Variants in ZNF215 observed in about 807,000 individuals in gnomAD.
ZNF215 encodes BWSCR2-associated zinc finger protein 2.
In ZNF215, 24 loss-of-function variants were observed where a neutral mutation model predicts 27.2. The ratio of observed to expected loss-of-function variants is 0.88; its 90% CI spans 0.64 to 1.24. The LOEUF (loss-of-function observed/expected upper bound fraction) is 1.24. Among genes scored for constraint, ZNF215 ranks in the 50% most tolerant of loss-of-function variants. The pLI is 0.00. For missense variants in ZNF215, 675 were observed against 605.7 expected, an observed-to-expected ratio of 1.11 and a Z score of -1.20; for synonymous variants, 210 against 204.0, an observed-to-expected ratio of 1.03 and a Z score of -0.25.
intron 5 of ZNF215, among the ~76,000 whole-genome samples, chr11:6,974,422 T>C (rs1365222227): frequency 3.3e-5 from 5 of 152,236 alleles, no homozygotes; most frequent in Non-Finnish European, 7.3e-5. Context: ...TTTTTTCCAA[T>C]TCTGGGAAGA....
chr11:6,993,991 C>T (rs1477763621), intron 6 of ZNF215, among the ~76,000 whole-genome samples: 1 of 151,978 alleles, frequency 6.6e-6, no homozygotes, highest in African/African-American at 2.4e-5. Context: ...CATTTTTGTG[C>T]TTTTTGTTGA....
At chr11:6,973,577 A>C (rs987256278) in intron 5 of ZNF215, among the ~76,000 whole-genome samples, 32 of 152,162 alleles carry the variant, frequency 2.1e-4, no homozygotes, top group African/African-American at 7.2e-4. Context: ...TGACTTTTTA[A>C]TGATCGCCAT....
intron 3 of ZNF215, among the ~76,000 whole-genome samples, chr11:6,932,945 CA>C (rs1204268951): frequency 1.3e-5 from 2 of 152,130 alleles, no homozygotes; most frequent in Non-Finnish European, 2.9e-5. Flanking sequence ...GCACACAGGC[CA>C]AATATTTTTT....
downstream of ZNF215, among the ~76,000 whole-genome samples, chr11:6,989,121 A>C (rs1290503980): frequency 7.6e-6 from 1 of 131,204 alleles, no homozygotes; most frequent in Non-Finnish European, 1.5e-5. Context: ...GTGCCAATGC[A>C]CTCCAGCCTG....
At position 6,949,448 on chromosome 11, in the gene ZNF215, G is replaced by T. The variant is rs547484152; in HGVS notation, c.712+5807G>T. On this transcript the variant is annotated intron_variant, in intron 6 of 6. Transcript: ENST00000278319. ...TTTTTAATGATCGCCATTCTAACTGGTGTGAGATGGTATCTCATTGTGGTT... is the reference window on the plus strand; with the variant it reads ...TTTTTAATGATCGCCATTCTAACTGTTGTGAGATGGTATCTCATTGTGGTT... Among the ~76,000 whole-genome samples the T allele has an allele frequency of 2.0e-5, 3 of 152,196 alleles. No individual in the cohort carries two copies. The South Asian group carries it at 6.2e-4, about 32-fold the overall frequency.
At chr11:6,943,784 T>G in intron 6 of ZNF215, 143 bp downstream of exon 6, 1 of 690,848 alleles carries the variant, frequency 1.4e-6, no homozygotes, top group African/African-American at 1.8e-5. Context: ...CATTATTCGC[T>G]TTTGTTCACA....
In ZNF215 at chr11:6,973,859, T is replaced by C. The variant is rs546497138; in HGVS notation, c.806-10270T>C. ...TCTGTAGGTTGCCTGTTGACTCTGA[T>C]GGTAGTTTCTTTAGCTGTGCAGAAG... On this transcript the variant is annotated intron_variant, in intron 5 of 5. Transcript: ENST00000529903. Among the ~76,000 whole-genome samples the C allele has an allele frequency of 2.0e-5, 3 of 152,322 alleles. No individual in the cohort carries two copies. In the East Asian group the frequency reaches 5.8e-4, roughly 29 times the overall value.
chr11:6,940,234 A>T (rs1285222540), intron 3 of ZNF215, among the ~76,000 whole-genome samples: 5 of 151,718 alleles, frequency 3.3e-5, no homozygotes, highest in Non-Finnish European at 7.4e-5. Flanking sequence ...CCTCTTTAAA[A>T]AAAAAAAAAA....
chr11:6,983,682 A>T (rs551540378), intron 5 of ZNF215, among the ~76,000 whole-genome samples: 1 of 152,348 alleles, frequency 6.6e-6, no homozygotes, highest in East Asian at 1.9e-4. Context: ...AAACTCAGAG[A>T]CATTGTTTTA....
At chr11:6,926,810 C>G (rs1849059805) in intron 1 of ZNF215, 125 bp downstream of exon 1, 1 of 152,266 alleles carries the variant, frequency 6.6e-6, no homozygotes, top group Non-Finnish European at 1.5e-5. Context: ...GCGGAACGTG[C>G]AGCTTACCTC....
chr11:6,974,257 C>T (rs1012771095), intron 5 of ZNF215, among the ~76,000 whole-genome samples: 1 of 151,804 alleles, frequency 6.6e-6, no homozygotes, highest in Non-Finnish European at 1.5e-5. Flanking sequence ...GGTCTATATC[C>T]CTGTTTTGGT....
Position 6,955,723 on chromosome 11 carries a change from A to C in ZNF215, c.746A>C (p.His249Pro). 6.3e-7 allele frequency: 1 copy of C among 1,586,914 alleles called. No individual in the cohort carries two copies. Among genetic ancestry groups the C allele is most frequent in the Non-Finnish European group, 8.5e-7 (1 of 1,170,640 alleles). The change falls in exon 7 of 7, where the codon CAT (histidine) becomes CCT (proline). Residue 249 changes from histidine (H) to proline (P), a missense_variant. By Grantham distance (77) the His-to-Pro change is moderately conservative. Transcript: ENST00000278319. ...AGTATTTCTGGAGAAGAATCATCCC[A>C]TGGAGTGATTATGACAAGGCTTACC... Reference protein sequence around the residue: ...MKSISGEESSHGVIMTRLTES... With the variant: ...MKSISGEESSPGVIMTRLTES...
downstream of ZNF215, chr11:6,988,251 T>G (rs1347382502): frequency 3.0e-6 from 3 of 985,400 alleles, no homozygotes; most frequent in Non-Finnish European, 3.6e-6. Context: ...TGAGGGGCAC[T>G]AAGCACTGCA....
intron 6 of ZNF215, among the ~76,000 whole-genome samples, chr11:6,944,170 G>A (rs1371176555): frequency 6.6e-6 from 1 of 152,108 alleles, no homozygotes; most frequent in Admixed American, 6.5e-5. Context: ...CAGCTACTAG[G>A]GAGGCTGAGG....
At chr11:6,958,725 A>G (rs1040541962), downstream of ZNF215, among the ~76,000 whole-genome samples, 5 of 152,198 alleles carry the variant, frequency 3.3e-5, no homozygotes, top group Non-Finnish European at 5.9e-5. Flanking sequence ...CCAATTTTAC[A>G]TAAGAGTCCA....
Position 6,932,228 on chromosome 11 carries a change from C to T in ZNF215, c.-45C>T. On this transcript the variant is annotated 5_prime_UTR_variant, in exon 3 of 7. Coordinates refer to ENST00000278319, the MANE Select transcript of ZNF215 (RefSeq NM_013250.4). ...GCTCAAGCCTGAGAATTACTGCAAT[C>T]TAGTAAGGCGGATTTGAACTACTGT... is the stretch of plus-strand genomic sequence containing the variant. 6.3e-7 allele frequency: 1 copy of T among 1,582,618 alleles called. No homozygotes were observed. The highest frequency in any genetic ancestry group is 8.6e-7 in the Non-Finnish European group (1 of 1,164,766).
At chr11:6,944,230 C>CCT (rs1849737409) in intron 6 of ZNF215, among the ~76,000 whole-genome samples, 1 of 151,982 alleles carries the variant, frequency 6.6e-6, no homozygotes, top group East Asian at 1.9e-4. Context: ...GAGCCAAGAT[C>CCT]GCACCACTGC....
At chr11:6,970,534 C>A (rs1454863816) in intron 5 of ZNF215, among the ~76,000 whole-genome samples, 1 of 152,090 alleles carries the variant, frequency 6.6e-6, no homozygotes. Context: ...ACAGTACACA[C>A]TAAAGTGTTT....
chr11:6,983,499 A>G (rs2133358173), intron 5 of ZNF215, among the ~76,000 whole-genome samples: 1 of 152,358 alleles, frequency 6.6e-6, no homozygotes, highest in Admixed American at 6.5e-5. Flanking sequence ...CATTGATGCA[A>G]AAATCCTCAA....
Sources: allele counts gnomAD v4.1 joint callset (sites outside exome capture counted in the v4.1 genomes callset), GRCh38; gene constraint gnomAD v4.1.1; transcripts MANE v1.5; gene names NCBI Gene and HGNC (gene_info 2026-07-23, HGNC 2026-07-21).